Variants in KIF16B observed in about 807,000 individuals in gnomAD.
The protein encoded by KIF16B is kinesin family member 16B, also known as kinesin-like protein KIF16B.
Under a neutral mutation model 156.3 loss-of-function variants are expected in KIF16B, and 98 were observed. That is an observed-to-expected ratio of 0.63 (90% confidence interval 0.53 to 0.74). The LOEUF is 0.74. Ranked by LOEUF, KIF16B falls within the 30% of genes least tolerant of loss-of-function variation. The pLI is 0.00. For synonymous variants in KIF16B, 564 were observed against 583.7 expected (o/e 0.97, Z 0.49); for missense variants, 1,421 against 1,606.5 (o/e 0.88, Z 1.97).
chr20:16,354,542 G>T (rs146356010), intron 23 of KIF16B, among the ~76,000 whole-genome samples: 65 of 151,586 alleles, frequency 4.3e-4, no homozygotes, highest in African/African-American at 1.5e-3. Context: ...AAATGAAAAA[G>T]AAATTGACCA....
rs561068921 is a variant in KIF16B at position 16,309,033 on chromosome 20, G to A, written c.3795+3302C>T. 5.9e-5 allele frequency among the ~76,000 whole-genome samples: 9 copies of A among 152,330 alleles called. No individual in the cohort carries two copies. In the South Asian group the frequency reaches 1.2e-3, roughly 21 times the overall value. On this transcript the variant is annotated intron_variant, in intron 25 of 25. Coordinates refer to ENST00000354981, the MANE Select transcript of KIF16B (RefSeq NM_024704.5). The stretch of plus-strand genomic sequence containing the variant: ...CTCTGACTGACTGAGGGCAGAGTCT[G>A]CCCACAACATGCACAGTTACACTGA...
At chr20:16,500,489 G>C (rs1356744530) in intron 10 of KIF16B, among the ~76,000 whole-genome samples, 1 of 152,122 alleles carries the variant, frequency 6.6e-6, no homozygotes, top group Non-Finnish European at 1.5e-5. Context: ...TTTTGTCTAT[G>C]TGAGCTTTCA....
intron 1 of KIF16B, among the ~76,000 whole-genome samples, chr20:16,534,939 C>T (rs1213861957): frequency 1.3e-5 from 2 of 152,024 alleles, no homozygotes; most frequent in African/African-American, 4.8e-5. Context: ...AGTATGATGC[C>T]TTCAGCTTTG....
chr20:16,465,668 T>C (rs977389898), intron 12 of KIF16B, among the ~76,000 whole-genome samples: 2 of 152,204 alleles, frequency 1.3e-5, no homozygotes, highest in Non-Finnish European at 2.9e-5. Flanking sequence ...CATGTTTACA[T>C]ATATGCTTAA....
rs151112471 is a variant in KIF16B, at chr20:16,354,289, C to T, written c.3621+2041G>A. ...TTTATCTGTTAAAGTAAAATAAATC[C>T]GTGTACCAACTAAAATCATTGCATG... is the stretch of plus-strand genomic sequence containing the variant. On this transcript the variant is annotated intron_variant, in intron 23 of 25. Transcript: ENST00000354981. 1.2e-4 allele frequency among the ~76,000 whole-genome samples: 18 copies of T among 152,070 alleles called. No homozygotes were observed. The East Asian group carries it at 3.3e-3, about 28-fold the overall frequency.
intron 15 of KIF16B, among the ~76,000 whole-genome samples, chr20:16,413,439 C>A (rs2066007418): frequency 1.3e-5 from 2 of 152,098 alleles, no homozygotes; most frequent in Admixed American, 6.6e-5. Context: ...TTACCCTCTT[C>A]AAGTTTTATG....
At chr20:16,495,637 G>A (rs2068427921) in intron 11 of KIF16B, among the ~76,000 whole-genome samples, 1 of 152,126 alleles carries the variant, frequency 6.6e-6, no homozygotes, top group African/African-American at 2.4e-5. Context: ...AAATGAAATA[G>A]GAGGAAGAGG....
In KIF16B at chr20:16,379,038, T is replaced by C; in HGVS notation, c.2964A>G (p.Lys988=). The C allele has an allele frequency of 1.2e-6, 2 of 1,611,010 alleles. No individual in the cohort carries two copies. Among genetic ancestry groups the C allele is most frequent in the South Asian group, 1.1e-5 (1 of 90,486 alleles). Reference sequence around the variant, plus strand: ...TGGACTCCAAAATCTCCTTTTCCTTTTTCCTCACTTTTTCCTCCTGACGTG... The same window carrying C: ...TGGACTCCAAAATCTCCTTTTCCTTCTTCCTCACTTTTTCCTCCTGACGTG... ...NIARQEEKVR[K]KEKEILESRE... is the part of the protein sequence containing the mutation. Residue 988 remains lysine, a synonymous_variant, in exon 19 of 26, where the codon AAA becomes AAG. Coordinates refer to ENST00000354981, the MANE Select transcript of KIF16B (RefSeq NM_024704.5).
intron 22 of KIF16B, chr20:16,367,830 T>A (rs1443628520): frequency 1.9e-6 from 3 of 1,608,930 alleles, no homozygotes; most frequent in South Asian, 1.1e-5. Flanking sequence ...GACACAGCTG[T>A]TGAGAGAGGT....
At chr20:16,569,205 CTTG>C (rs1036589949) in intron 1 of KIF16B, among the ~76,000 whole-genome samples, 7 of 152,132 alleles carry the variant, frequency 4.6e-5, no homozygotes, top group Non-Finnish European at 8.8e-5. Context: ...GAAGTAAATG[CTTG>C]TTGTTTATAA....
At chr20:16,539,993 T>A (rs937109595) in intron 1 of KIF16B, among the ~76,000 whole-genome samples, 1 of 152,174 alleles carries the variant, frequency 6.6e-6, no homozygotes, top group African/African-American at 2.4e-5. Context: ...AGTTACATAC[T>A]ATGAACCAAT....
intron 12 of KIF16B, among the ~76,000 whole-genome samples, chr20:16,472,789 C>T (rs1228289868): frequency 6.6e-5 from 10 of 152,142 alleles, no homozygotes; most frequent in Admixed American, 6.5e-4. Flanking sequence ...CCCTTGTCAA[C>T]CTATTCTATG....
chr20:16,439,713 G>A (rs140204062), intron 12 of KIF16B, among the ~76,000 whole-genome samples: 17 of 152,274 alleles, frequency 1.1e-4, no homozygotes, highest in South Asian at 4.1e-4. Flanking sequence ...CTGGGGAGCC[G>A]TCACAATCAT....
chr20:16,526,105 A>G lies in KIF16B; in HGVS notation c.218T>C (p.Val73Ala). 1 of 1,584,310 alleles carries G rather than the reference A, an allele frequency of 6.3e-7. No individual in the cohort carries two copies. Among genetic ancestry groups the G allele is most frequent in the Non-Finnish European group, 8.6e-7 (1 of 1,159,550 alleles). The change falls in exon 3 of 26, where the codon GTT becomes GCT. Residue 73 changes from valine (V) to alanine (A), a missense_variant. Transcript: ENST00000354981. ...YSADTKSPDY[V>A]SQEMVFKTLG... is the part of the protein sequence containing the mutation. The stretch of plus-strand genomic sequence containing the variant: ...AATATCATATACCATTTCTTGTGAA[A>G]CGTAATCTGGGCTTTTTGTATCAGC...
rs147072910 is a variant in KIF16B, at chr20:16,432,721, G to A, written c.1303-2739C>T. On this transcript the variant is annotated intron_variant, in intron 12 of 25. Coordinates refer to ENST00000354981, the MANE Select transcript of KIF16B (RefSeq NM_024704.5). ...AAGACCTGAAGTCATGCGAGAGGGC[G>A]GTGAAATGAAGTAACAACAACAACA... is the stretch of plus-strand genomic sequence containing the variant. Among the ~76,000 whole-genome samples the A allele has an allele frequency of 4.2e-3, 637 of 151,788 alleles. 3 individuals carry two copies. Among genetic ancestry groups the A allele is most frequent in the Admixed American group, 6.1e-3 (93 of 15,230 alleles).
chr20:16,487,533 T>C (rs149298920), intron 12 of KIF16B, among the ~76,000 whole-genome samples: 23 of 152,296 alleles, frequency 1.5e-4, no homozygotes, highest in South Asian at 4.1e-4. Flanking sequence ...AAATCTTTTA[T>C]AGGTTGCCAT....
intron 12 of KIF16B, among the ~76,000 whole-genome samples, chr20:16,476,033 A>G (rs1215320556): frequency 1.3e-5 from 2 of 152,220 alleles, no homozygotes; most frequent in Non-Finnish European, 2.9e-5. Context: ...AGTAATTATC[A>G]GCAACCAGGC....
At chr20:16,344,633 C>T (rs1000997340) in intron 23 of KIF16B, among the ~76,000 whole-genome samples, 2 of 152,180 alleles carry the variant, frequency 1.3e-5, no homozygotes, top group Non-Finnish European at 1.5e-5. Flanking sequence ...TGGTGTCAGC[C>T]TGCTCTCCTG....
rs749870705 is a variant in KIF16B, at chr20:16,511,435, T to C, written c.539A>G (p.Glu180Gly). 9 of 1,601,668 alleles carry C rather than the reference T, an allele frequency of 5.6e-6. No homozygotes were observed. The East Asian group carries it at 1.8e-4, about 32-fold the overall frequency. The change falls in exon 6 of 26, where the codon GAA becomes GGA. Residue 180 changes from glutamate (E) to glycine (G), a missense_variant. Glu to Gly is a moderately conservative substitution (Grantham distance 98). Transcript: ENST00000354981. ...ACTCTTACCCTCAACATAAGGGCCTTCTTTGGGATGCTCACGGACTCTCAA... is the reference window on the plus strand; with the variant it reads ...ACTCTTACCCTCAACATAAGGGCCTCCTTTGGGATGCTCACGGACTCTCAA... ...FNLRVREHPK[E>G]GPYVEDLSKH...
Sources: allele counts gnomAD v4.1 joint callset (sites outside exome capture counted in the v4.1 genomes callset), GRCh38; gene constraint gnomAD v4.1.1; transcripts MANE v1.5; gene names NCBI Gene and HGNC (gene_info 2026-07-23, HGNC 2026-07-21).